The following FBXL7 variants were observed in gnomAD, a reference collection of about 807,000 sequenced individuals.
FBXL7 encodes the protein F-box/LRR-repeat protein 7.
Under a neutral mutation model 38.3 loss-of-function variants are expected in FBXL7, and 12 were observed. That is an observed-to-expected ratio of 0.31 (90% confidence interval 0.20 to 0.51). FBXL7 has a LOEUF of 0.51. Among genes scored for constraint, FBXL7 ranks in the 20% least tolerant of loss-of-function variants. The pLI is 0.98. For synonymous variants in FBXL7, 297 were observed against 300.9 expected (o/e 0.99, Z 0.13); for missense variants, 567 against 676.4 (o/e 0.84, Z 1.79).
intron 1 of FBXL7, among the ~76,000 whole-genome samples, chr5:15,541,947 T>C (rs930431910): frequency 2.6e-5 from 4 of 152,028 alleles, no homozygotes; most frequent in African/African-American, 4.8e-5. Flanking sequence ...TGGATTCCTT[T>C]CCTCCTTTTT....
intron 2 of FBXL7, among the ~76,000 whole-genome samples, chr5:15,800,400 G>A (rs1008425683): frequency 1.3e-5 from 2 of 152,162 alleles, no homozygotes; most frequent in Non-Finnish European, 2.9e-5. Flanking sequence ...CTTCATAAAT[G>A]AAGAACAGAA....
At chr5:15,598,583 G>C (rs1739694578) in intron 1 of FBXL7, among the ~76,000 whole-genome samples, 2 of 152,152 alleles carry the variant, frequency 1.3e-5, no homozygotes, top group African/African-American at 4.8e-5. Flanking sequence ...TAATGGCTCA[G>C]TGATATCCTT....
At chr5:15,767,522 A>T (rs948776879) in intron 2 of FBXL7, among the ~76,000 whole-genome samples, 4 of 152,180 alleles carry the variant, frequency 2.6e-5, no homozygotes, top group Non-Finnish European at 5.9e-5. Context: ...TCTTGATTGT[A>T]AATGCCCAGG....
At chr5:15,582,227 C>A (rs1054015416) in intron 1 of FBXL7, among the ~76,000 whole-genome samples, 1 of 152,200 alleles carries the variant, frequency 6.6e-6, no homozygotes, top group Non-Finnish European at 1.5e-5. Flanking sequence ...GTGTGAGGCA[C>A]CACACCCAGC....
chr5:15,922,428 AG>A (rs1229617148), intron 2 of FBXL7, among the ~76,000 whole-genome samples: 2 of 152,146 alleles, frequency 1.3e-5, no homozygotes, highest in Non-Finnish European at 2.9e-5. Flanking sequence ...GTTTCTTGCC[AG>A]GGATGCTGTG....
chr5:15,924,124 A>G (rs976848024), intron 2 of FBXL7, among the ~76,000 whole-genome samples: 1 of 152,278 alleles, frequency 6.6e-6, no homozygotes, highest in East Asian at 1.9e-4. Flanking sequence ...GGTAACTTGG[A>G]TGGCAGTTTT....
At chr5:15,635,091 T>G (rs1741139088) in intron 2 of FBXL7, among the ~76,000 whole-genome samples, 1 of 152,132 alleles carries the variant, frequency 6.6e-6, no homozygotes, top group Admixed American at 6.6e-5. Flanking sequence ...ATAGCAGCCA[T>G]TGGATTATAT....
chr5:15,668,368 TTGTGTGTG>T (rs148728974), intron 2 of FBXL7, among the ~76,000 whole-genome samples: 16,970 of 145,670 alleles, frequency 0.12, 1,085 homozygotes, highest in African/African-American at 0.18. Flanking sequence ...ATATTTGTGT[TTGTGTGTG>T]TGTGTGTGTG....
chr5:15,667,744 A>G (rs1430180590), intron 2 of FBXL7, among the ~76,000 whole-genome samples: 2 of 152,008 alleles, frequency 1.3e-5, no homozygotes, highest in South Asian at 2.1e-4. Context: ...CTGGGTTTTC[A>G]TTCTTCCCTC....
At chr5:15,686,164 T>C (rs1743011501) in intron 2 of FBXL7, among the ~76,000 whole-genome samples, 1 of 152,174 alleles carries the variant, frequency 6.6e-6, no homozygotes, top group Admixed American at 6.5e-5. Flanking sequence ...ATAACTTTGT[T>C]TACTATTCAT....
intron 2 of FBXL7, among the ~76,000 whole-genome samples, chr5:15,652,355 C>T (rs1025327201): frequency 6.6e-6 from 1 of 152,106 alleles, no homozygotes; most frequent in Non-Finnish European, 1.5e-5. Context: ...CAATCTCTGC[C>T]TCCCGGGTTC....
At chr5:15,794,800 C>G (rs537193537) in intron 2 of FBXL7, among the ~76,000 whole-genome samples, 25 of 152,072 alleles carry the variant, frequency 1.6e-4, no homozygotes, top group Admixed American at 1.0e-3. Context: ...AACAAAAAAG[C>G]TATTGTTTGC....
chr5:15,852,883 G>A (rs1739141693), intron 2 of FBXL7, among the ~76,000 whole-genome samples: 1 of 152,142 alleles, frequency 6.6e-6, no homozygotes, highest in African/African-American at 2.4e-5. Flanking sequence ...GAGGGGCAAT[G>A]GTTATACAAA....
At chr5:15,710,556 G>A (rs1743831759) in intron 2 of FBXL7, among the ~76,000 whole-genome samples, 3 of 152,102 alleles carry the variant, frequency 2.0e-5, no homozygotes. Context: ...ACCGTATGAT[G>A]CCGTAATATT....
Position 15,927,779 on chromosome 5 carries a change from A to G in FBXL7, c.128-111A>G, listed in dbSNP as rs1366495981. The G allele has an allele frequency of 4.8e-5, 39 of 805,004 alleles. 1 individual carries two copies. In the African/African-American group the frequency reaches 7.6e-4, roughly 16 times the overall value. 49.9% of individuals were successfully genotyped at this position (805,004 alleles called of 1,614,324 possible). On this transcript the variant is annotated intron_variant, in intron 2 of 3. Transcript: ENST00000504595. ...GACAAGATCTTAAAAAAAAAAAAAAAAAAAAAAAGAAGAAGAAAGAAAAGA... is the reference window on the plus strand; with the variant it reads ...GACAAGATCTTAAAAAAAAAAAAAAGAAAAAAAAGAAGAAGAAAGAAAAGA...
intron 2 of FBXL7, among the ~76,000 whole-genome samples, chr5:15,867,147 C>T (rs1739751436): frequency 6.6e-6 from 1 of 152,176 alleles, no homozygotes; most frequent in Admixed American, 6.5e-5. Flanking sequence ...TCAGTACTCA[C>T]TATGCACTAA....
At chr5:15,896,613 C>T (rs1741110336) in intron 2 of FBXL7, among the ~76,000 whole-genome samples, 1 of 152,140 alleles carries the variant, frequency 6.6e-6, no homozygotes, top group Non-Finnish European at 1.5e-5. Flanking sequence ...TTCCTCCTTC[C>T]TCTGCCCCTT....
intron 2 of FBXL7, among the ~76,000 whole-genome samples, chr5:15,710,372 T>C (rs1743823924): frequency 6.6e-6 from 1 of 152,096 alleles, no homozygotes; most frequent in African/African-American, 2.4e-5. Context: ...GCCTCTGCAT[T>C]TGCTGCTCCA....
intron 2 of FBXL7, among the ~76,000 whole-genome samples, chr5:15,754,800 C>T (rs1736248156): frequency 1.3e-5 from 2 of 152,120 alleles, no homozygotes; most frequent in Admixed American, 6.6e-5. Context: ...CTCTACTAGG[C>T]TCTTCTAGTG....
Sources: allele counts gnomAD v4.1 joint callset (sites outside exome capture counted in the v4.1 genomes callset), GRCh38; gene constraint gnomAD v4.1.1; transcripts MANE v1.5; gene names NCBI Gene and HGNC (gene_info 2026-07-23, HGNC 2026-07-21).